NOSTRIN: variants seen among roughly 807,000 people sequenced by gnomAD.
The protein encoded by NOSTRIN is nitric oxide synthase trafficking, also known as BM247 homolog.
In NOSTRIN, 63 loss-of-function variants were observed where a neutral mutation model predicts 59.0. The ratio of observed to expected loss-of-function variants is 1.07; its 90% CI spans 0.87 to 1.32. The LOEUF (loss-of-function observed/expected upper bound fraction) is 1.32, where lower values mean the gene tolerates loss of function less well. NOSTRIN is among the 40% of genes most tolerant of loss of function. The probability of loss-of-function intolerance (pLI) is 0.00; values close to 1 mark genes in which losing one functional copy is unlikely to be tolerated. For missense variants in NOSTRIN, 512 were observed against 473.1 expected, an observed-to-expected ratio of 1.08 and a Z score of -0.76; for synonymous variants, 200 against 165.4, an observed-to-expected ratio of 1.21 and a Z score of -1.61.
chr2:168,795,109 G>A (rs919106947), upstream of NOSTRIN, among the ~76,000 whole-genome samples: 10 of 152,142 alleles, frequency 6.6e-5, no homozygotes, highest in Non-Finnish European at 1.3e-4. Context: ...ATGATTTATA[G>A]GAAATAACTA....
chr2:168,840,550 A>C (rs958253287), intron 7 of NOSTRIN, among the ~76,000 whole-genome samples: 12 of 139,366 alleles, frequency 8.6e-5, no homozygotes, highest in Non-Finnish European at 1.8e-4. Context: ...AAAAAAAAAA[A>C]ACAAAAAAAC....
chr2:168,808,137 C>G (rs1322894298), intron 1 of NOSTRIN, among the ~76,000 whole-genome samples: 1 of 152,204 alleles, frequency 6.6e-6, no homozygotes, highest in Non-Finnish European at 1.5e-5. Context: ...GGAAATGCAG[C>G]AGCCCCTGTA....
intron 2 of NOSTRIN, among the ~76,000 whole-genome samples, chr2:168,823,263 A>C (rs112465105): frequency 6.6e-6 from 1 of 151,850 alleles, no homozygotes; most frequent in African/African-American, 2.4e-5. Context: ...TGATCCGCCC[A>C]CCTCGGCCTC....
intron 6 of NOSTRIN, among the ~76,000 whole-genome samples, chr2:168,832,864 T>G (rs1687445298): frequency 6.6e-6 from 1 of 152,164 alleles, no homozygotes; most frequent in Non-Finnish European, 1.5e-5. Flanking sequence ...ACAAGGGATC[T>G]GCCCACCTTG....
intron 15 of NOSTRIN, among the ~76,000 whole-genome samples, chr2:168,862,392 T>C (rs580507): frequency 0.79 from 120,424 of 152,156 alleles, 47,852 homozygotes; most frequent in South Asian, 0.88. Context: ...CAACACAAGA[T>C]TTGAACTTGG....
At chr2:168,864,684 T>G in intron 15 of NOSTRIN, 150 bp from the exon 16 acceptor site, 1 of 746,884 alleles carries the variant, frequency 1.3e-6, no homozygotes, top group East Asian at 2.6e-5. Context: ...TACACAGGTG[T>G]TCGATACATT....
chr2:168,834,884 G>A (rs1178328728), intron 7 of NOSTRIN, among the ~76,000 whole-genome samples: 1 of 151,874 alleles, frequency 6.6e-6, no homozygotes, highest in East Asian at 1.9e-4. Context: ...AATATGTTAT[G>A]AACATTATAA....
intron 8 of NOSTRIN, among the ~76,000 whole-genome samples, chr2:168,845,106 TAC>T (rs1688334688): frequency 6.6e-6 from 1 of 152,182 alleles, no homozygotes; most frequent in Non-Finnish European, 1.5e-5. Context: ...TTCCTTAATT[TAC>T]ACCTTTGAAC....
At chr2:168,820,972 C>T (rs576905923) in intron 2 of NOSTRIN, among the ~76,000 whole-genome samples, 122 of 152,216 alleles carry the variant, frequency 8.0e-4, no homozygotes, top group African/African-American at 2.9e-3. Context: ...TGTTAAAAAC[C>T]ATTCAGGATT....
At chr2:168,849,041 T>C (rs918785884) in intron 8 of NOSTRIN, among the ~76,000 whole-genome samples, 5 of 152,194 alleles carry the variant, frequency 3.3e-5, no homozygotes, top group African/African-American at 7.2e-5. Flanking sequence ...TATAGAGGAA[T>C]ACCATACTGA....
At chr2:168,845,414 T>C (rs796741057) in intron 8 of NOSTRIN, among the ~76,000 whole-genome samples, 53 of 152,338 alleles carry the variant, frequency 3.5e-4, no homozygotes, top group African/African-American at 1.2e-3. Context: ...TCAGTGTCTC[T>C]ATCCTCATCA....
intron 8 of NOSTRIN, among the ~76,000 whole-genome samples, chr2:168,848,281 C>A (rs549430396): frequency 6.6e-6 from 1 of 152,240 alleles, no homozygotes; most frequent in Non-Finnish European, 1.5e-5. Flanking sequence ...GAAGGGCAGA[C>A]GGCCACATTC....
At chr2:168,791,384 G>A (rs1272251816) in intron 2 of NOSTRIN, among the ~76,000 whole-genome samples, 1 of 152,130 alleles carries the variant, frequency 6.6e-6, no homozygotes, top group Non-Finnish European at 1.5e-5. Flanking sequence ...TCTTAATCCA[G>A]TCTATCATTG....
intron 3 of NOSTRIN, among the ~76,000 whole-genome samples, chr2:168,824,923 C>T (rs1574282406): frequency 1.3e-5 from 2 of 151,854 alleles, no homozygotes; most frequent in East Asian, 3.9e-4. Context: ...TGGGACCATG[C>T]CCTAAATTTG....
intron 8 of NOSTRIN, among the ~76,000 whole-genome samples, chr2:168,845,610 C>G (rs1285461680): frequency 6.6e-6 from 1 of 152,156 alleles, no homozygotes; most frequent in Non-Finnish European, 1.5e-5. Flanking sequence ...CATGTTTCCC[C>G]TACAACCACC....
intron 15 of NOSTRIN, among the ~76,000 whole-genome samples, chr2:168,863,081 T>C (rs539309365): frequency 1.3e-5 from 2 of 152,316 alleles, no homozygotes; most frequent in Admixed American, 1.3e-4. Flanking sequence ...AGCATTTAAG[T>C]TACATCATTC....
At chr2:168,829,247 G>A (rs1486082898) in intron 5 of NOSTRIN, among the ~76,000 whole-genome samples, 1 of 151,732 alleles carries the variant, frequency 6.6e-6, no homozygotes, top group African/African-American at 2.4e-5. Flanking sequence ...TTCTAGAACA[G>A]TTTTTCTTTC....
chr2:168,824,408 C>T (rs538195145), intron 2 of NOSTRIN, among the ~76,000 whole-genome samples: 6 of 152,178 alleles, frequency 3.9e-5, no homozygotes, highest in South Asian at 2.1e-4. Context: ...AAGCGATTCT[C>T]GCACCTCAGC....
At chr2:168,853,935 T>TA (rs1688923936) in intron 10 of NOSTRIN, among the ~76,000 whole-genome samples, 1 of 152,214 alleles carries the variant, frequency 6.6e-6, no homozygotes, top group Non-Finnish European at 1.5e-5. Context: ...TGGCACAATG[T>TA]CAGCTCACTG....
Sources: gnomAD v4.1 joint callset for allele counts (sites outside exome capture counted in the v4.1 genomes callset) on GRCh38, gnomAD v4.1.1 for gene constraint, MANE v1.5 for transcripts, NCBI Gene and HGNC (gene_info 2026-07-23, HGNC 2026-07-21) for gene names.